Variants in DHRSX observed in about 807,000 individuals in gnomAD.
DHRSX encodes dehydrogenase/reductase X-linked.
Under a neutral mutation model 34.0 loss-of-function variants are expected in DHRSX, and 31 were observed. The ratio of observed to expected loss-of-function variants is 0.91; its 90% CI spans 0.69 to 1.23. The LOEUF is 1.23. DHRSX is among the 50% of genes most tolerant of loss of function. The pLI is 0.00. For missense variants in DHRSX, 414 were observed against 428.1 expected (o/e 0.97, Z 0.29); for synonymous variants, 201 against 183.8 (o/e 1.09, Z -0.76).
intron 3 of DHRSX, among the ~76,000 whole-genome samples, chrX:2,306,053 C>T (rs1331229838): frequency 6.6e-6 from 1 of 152,054 alleles, no homozygotes; most frequent in Non-Finnish European, 1.5e-5. Flanking sequence ...ATAGGTGCAG[C>T]AAACCACCAC....
intron 3 of DHRSX, among the ~76,000 whole-genome samples, chrX:2,390,144 CTTTTT>C (rs575599788): frequency 7.8e-6 from 1 of 128,184 alleles, no homozygotes; most frequent in Non-Finnish European, 1.6e-5. Flanking sequence ...GCATTTTAAC[CTTTTT>C]TTTTTTTTTT....
At chrX:2,311,225 GGAGAGAAAGAGAGAGAGACATACAGA>G (rs913492179) in intron 3 of DHRSX, among the ~76,000 whole-genome samples, 1 of 151,782 alleles carries the variant, frequency 6.6e-6, no homozygotes, top group Non-Finnish European at 1.5e-5. Flanking sequence ...ACACAGAGAG[GGAGAGAAAGAGAGAGAGACATACAGA>G]GAGAGAAAGA....
chrX:2,366,158 T>C (rs2042992001), intron 3 of DHRSX, among the ~76,000 whole-genome samples: 1 of 151,822 alleles, frequency 6.6e-6, no homozygotes, highest in African/African-American at 2.4e-5. Context: ...TCTAAGAAAA[T>C]AGGCCGGGTG....
chrX:2,498,226 T>G (rs2045328506), intron 1 of DHRSX, among the ~76,000 whole-genome samples: 1 of 152,184 alleles, frequency 6.6e-6, no homozygotes, highest in Admixed American at 6.5e-5. Flanking sequence ...CACGCTCCAT[T>G]TGGAAGTTCT....
intron 3 of DHRSX, among the ~76,000 whole-genome samples, chrX:2,291,894 G>GT (rs1162716010): frequency 3.8e-4 from 36 of 95,286 alleles, no homozygotes; most frequent in African/African-American, 1.2e-3. Flanking sequence ...TTGTATTTTT[G>GT]TATTTTTTTT....
chrX:2,388,116 A>G (rs2043293554), intron 3 of DHRSX, among the ~76,000 whole-genome samples: 1 of 151,972 alleles, frequency 6.6e-6, no homozygotes, highest in Non-Finnish European at 1.5e-5. Context: ...AGGGAGTGGT[A>G]TGGGTTTGTC....
intron 3 of DHRSX, among the ~76,000 whole-genome samples, chrX:2,357,607 C>T (rs1569493287): frequency 6.7e-6 from 1 of 149,570 alleles, no homozygotes; most frequent in Non-Finnish European, 1.5e-5. Context: ...GAAAGAGCTA[C>T]AGAGTCCTGA....
chrX:2,438,578 G>T (rs777449505), intron 1 of DHRSX, among the ~76,000 whole-genome samples: 34 of 151,296 alleles, frequency 2.2e-4, no homozygotes, highest in African/African-American at 7.5e-4. Context: ...TGAGGCAGGA[G>T]AATCGCTTGA....
chrX:2,402,097 G>A (rs1156808306), intron 3 of DHRSX, among the ~76,000 whole-genome samples: 1 of 152,190 alleles, frequency 6.6e-6, no homozygotes, highest in African/African-American at 2.4e-5. Context: ...GGGAAAGCAG[G>A]CTAGACAGGC....
intron 1 of DHRSX, among the ~76,000 whole-genome samples, chrX:2,472,985 A>G (rs1199273639): frequency 1.3e-5 from 2 of 152,040 alleles, no homozygotes; most frequent in African/African-American, 4.8e-5. Flanking sequence ...GAGACTTAAT[A>G]AGGCACCTGG....
At chrX:2,392,784 A>C (rs2043350305) in intron 3 of DHRSX, among the ~76,000 whole-genome samples, 1 of 136,322 alleles carries the variant, frequency 7.3e-6, no homozygotes, top group Non-Finnish European at 1.5e-5. Context: ...TATTTATAGA[A>C]TAGCATAAAT....
At chrX:2,344,295 A>G (rs2042674621) in intron 3 of DHRSX, among the ~76,000 whole-genome samples, 1 of 152,172 alleles carries the variant, frequency 6.6e-6, no homozygotes, top group Non-Finnish European at 1.5e-5. Flanking sequence ...ACCACAATGA[A>G]ATACCAACTT....
rs1263925902 is a variant in DHRSX at position 2,291,501 on chromosome X, C to G, written c.388+1G>C. On this transcript the variant is annotated splice_donor_variant, in intron 4 of 6. Transcript: ENST00000334651. LOFTEE classifies it high-confidence loss of function. The stretch of plus-strand genomic sequence containing the variant: ...CTTGCTGCAATTTCACCAGGACTCA[C>G]CATTGTTGATCAGGACATGGAGAGG... The G allele has an allele frequency of 1.2e-6, 2 of 1,612,702 alleles. No individual in the cohort carries two copies. The highest frequency in any genetic ancestry group is 1.7e-6 in the Non-Finnish European group (2 of 1,178,836).
At chrX:2,370,101 C>T (rs1202595432) in intron 3 of DHRSX, among the ~76,000 whole-genome samples, 1 of 152,112 alleles carries the variant, frequency 6.6e-6, no homozygotes, top group Admixed American at 6.6e-5. Flanking sequence ...ACCTTCCTGA[C>T]AATGACACCT....
chrX:2,373,424 C>T (rs1198710286), intron 3 of DHRSX, among the ~76,000 whole-genome samples: 1 of 152,124 alleles, frequency 6.6e-6, no homozygotes, highest in Non-Finnish European at 1.5e-5. Flanking sequence ...ATTTCAAAAC[C>T]AGCTTTTCCA....
At chrX:2,363,844 G>A (rs376543065) in intron 3 of DHRSX, among the ~76,000 whole-genome samples, 10 of 151,962 alleles carry the variant, frequency 6.6e-5, no homozygotes, top group African/African-American at 9.7e-5. Flanking sequence ...CATCAGCATC[G>A]AAGGAGATGA....
intron 3 of DHRSX, among the ~76,000 whole-genome samples, chrX:2,385,108 ATATGTGTG>A (rs1180943349): frequency 8.2e-6 from 1 of 122,614 alleles, no homozygotes; most frequent in Non-Finnish European, 1.8e-5. Flanking sequence ...TCTCAAATAT[ATATGTGTG>A]TGTGTGTGTG....
intron 3 of DHRSX, among the ~76,000 whole-genome samples, chrX:2,370,084 C>G (rs2043038943): frequency 6.6e-6 from 1 of 152,166 alleles, no homozygotes; most frequent in Non-Finnish European, 1.5e-5. Flanking sequence ...ACAGATGAAC[C>G]AAGCTCACCT....
At chrX:2,474,831 AAGCTTGTGGCTAAGGGACC>A (rs2044651182) in intron 1 of DHRSX, among the ~76,000 whole-genome samples, 1 of 151,782 alleles carries the variant, frequency 6.6e-6, no homozygotes, top group Non-Finnish European at 1.5e-5. Flanking sequence ...GACGTTCCCT[AAGCTTGTGGCTAAGGGACC>A]GCCGCCATGT....
Sources: allele counts gnomAD v4.1 joint callset (sites outside exome capture counted in the v4.1 genomes callset), GRCh38; gene constraint gnomAD v4.1.1; transcripts MANE v1.5; gene names NCBI Gene and HGNC (gene_info 2026-07-23, HGNC 2026-07-21).